GOLIM4: variants seen among roughly 807,000 people sequenced by gnomAD.
The protein encoded by GOLIM4 is 130 kDa golgi-localized phosphoprotein.
Under a neutral mutation model 107.4 loss-of-function variants are expected in GOLIM4, and 71 were observed. That is an observed-to-expected ratio of 0.66 (90% confidence interval 0.55 to 0.81). The LOEUF (loss-of-function observed/expected upper bound fraction) is 0.81, where lower values mean the gene tolerates loss of function less well. Among genes scored for constraint, GOLIM4 ranks in the 30% least tolerant of loss-of-function variants. GOLIM4 has a pLI of 0.00. For missense variants in GOLIM4, 830 were observed against 826.1 expected (o/e 1.00, Z -0.06); for synonymous variants, 327 against 294.8 (o/e 1.11, Z -1.12).
chr3:168,074,892 G>A (rs557158686), intron 1 of GOLIM4, among the ~76,000 whole-genome samples: 1 of 152,244 alleles, frequency 6.6e-6, no homozygotes, highest in East Asian at 1.9e-4. Context: ...AGTTACCACT[G>A]GAATAGTCCC....
chr3:168,050,270 AT>A (rs934893052), intron 1 of GOLIM4, among the ~76,000 whole-genome samples: 14 of 152,098 alleles, frequency 9.2e-5, no homozygotes, highest in Admixed American at 7.9e-4. Flanking sequence ...CTAAAAAGTA[AT>A]TTTTTTTCAA....
intron 1 of GOLIM4, among the ~76,000 whole-genome samples, chr3:168,050,860 T>TAATAATAATAATAATAATAATAAA (rs1381308882): frequency 7.8e-6 from 1 of 128,806 alleles, no homozygotes; most frequent in African/African-American, 2.8e-5. Flanking sequence ...ATAATAATAA[T>TAATAATAATAATAATAATAATAAA]AATAATAATA....
intron 1 of GOLIM4, among the ~76,000 whole-genome samples, chr3:168,088,532 C>T (rs1721741346): frequency 6.6e-6 from 1 of 152,174 alleles, no homozygotes; most frequent in African/African-American, 2.4e-5. Flanking sequence ...TATTTGCCTG[C>T]TCAAGGTCAC....
chr3:168,009,345 T>C lies in GOLIM4; in HGVS notation c.*924A>G, dbSNP rs963877166. ...TACTTATTATCAAAGTGATTGCATA[T>C]TGAGGCACAGAGCTTAAAGAGGAAA... On this transcript the variant is annotated 3_prime_UTR_variant, in exon 16 of 16. Coordinates refer to ENST00000470487, the MANE Select transcript of GOLIM4 (RefSeq NM_014498.5). The C allele has an allele frequency of 2.0e-5, 3 of 147,128 alleles. No individual in the cohort carries two copies. The highest frequency in any genetic ancestry group is 7.1e-5 in the Admixed American group (1 of 14,094). The allele number at this position is 147,128 out of a possible 1,614,324, so 9.1% of individuals were successfully genotyped here.
At chr3:168,028,953 T>C (rs113427901) in intron 11 of GOLIM4, among the ~76,000 whole-genome samples, 1 of 152,186 alleles carries the variant, frequency 6.6e-6, no homozygotes, top group African/African-American at 2.4e-5. Context: ...AATAATCCTA[T>C]AATAATTTGT....
chr3:168,042,362 C>A (rs1014382028), intron 5 of GOLIM4, among the ~76,000 whole-genome samples: 2 of 152,128 alleles, frequency 1.3e-5, no homozygotes, highest in African/African-American at 4.8e-5. Context: ...ACTGTAAGAA[C>A]CTCCGTCTCC....
Position 168,018,665 on chromosome 3 carries a change from C to A in GOLIM4, c.1860+5861G>T, listed in dbSNP as rs74829225. Among the ~76,000 whole-genome samples the A allele has an allele frequency of 1.5e-3, 221 of 152,232 alleles. No individual in the cohort carries two copies. In the East Asian group the frequency reaches 0.018, roughly 12 times the overall value. ...ATTCCACAGGACATTGGGATGAAAA[C>A]AATGAAGTACTTACTTCAGGCCTAT... is the stretch of plus-strand genomic sequence containing the variant. On this transcript the variant is annotated intron_variant, in intron 14 of 15. Coordinates refer to ENST00000470487, the MANE Select transcript of GOLIM4 (RefSeq NM_014498.5).
intron 1 of GOLIM4, among the ~76,000 whole-genome samples, chr3:168,066,930 T>C (rs1720579462): frequency 6.6e-6 from 1 of 152,146 alleles, no homozygotes; most frequent in African/African-American, 2.4e-5. Flanking sequence ...TCACTTAACA[T>C]GGTAGTTCTT....
At chr3:168,038,880 A>G (rs1718810139) in intron 7 of GOLIM4, among the ~76,000 whole-genome samples, 1 of 152,222 alleles carries the variant, frequency 6.6e-6, no homozygotes, top group Non-Finnish European at 1.5e-5. Context: ...GTAAGGGTGA[A>G]GCCCTACAGA....
At chr3:168,010,439 G>T in intron 15 of GOLIM4, 21 bp from the exon 16 acceptor site, 1 of 1,452,324 alleles carries the variant, frequency 6.9e-7, no homozygotes, top group Non-Finnish European at 9.6e-7. Flanking sequence ...AAAGAAAAAA[G>T]AAAAACTAAG....
At chr3:168,027,035 G>A (rs1282322292) in intron 12 of GOLIM4, among the ~76,000 whole-genome samples, 2 of 152,202 alleles carry the variant, frequency 1.3e-5, no homozygotes, top group African/African-American at 4.8e-5. Context: ...CATACACGCA[G>A]GAACAGACTC....
intron 14 of GOLIM4, among the ~76,000 whole-genome samples, chr3:168,017,910 C>A (rs1016709794): frequency 2.6e-5 from 4 of 151,942 alleles, no homozygotes; most frequent in Non-Finnish European, 5.9e-5. Flanking sequence ...GTAAATGATC[C>A]CAATATTTAT....
intron 1 of GOLIM4, among the ~76,000 whole-genome samples, chr3:168,094,228 T>C (rs1722044712): frequency 6.6e-6 from 1 of 152,214 alleles, no homozygotes; most frequent in Non-Finnish European, 1.5e-5. Context: ...TTAAAGTAAA[T>C]TATGTTTGTG....
intron 1 of GOLIM4, among the ~76,000 whole-genome samples, chr3:168,054,061 T>C (rs74535501): frequency 0.023 from 3,504 of 152,274 alleles, 131 homozygotes; most frequent in African/African-American, 0.08. Context: ...TCTGCATCCA[T>C]CTTCAAAATT....
At chr3:168,061,280 T>C (rs550958962) in intron 1 of GOLIM4, among the ~76,000 whole-genome samples, 1 of 152,282 alleles carries the variant, frequency 6.6e-6, no homozygotes, top group African/African-American at 2.4e-5. Flanking sequence ...AGTACTACCA[T>C]TCTCCCATCA....
chr3:168,094,890 C>T (rs1447567047), intron 1 of GOLIM4, among the ~76,000 whole-genome samples: 1 of 152,198 alleles, frequency 6.6e-6, no homozygotes, highest in Admixed American at 6.5e-5. Context: ...AGTTCTAAAC[C>T]TAACCGCTGG....
intron 1 of GOLIM4, among the ~76,000 whole-genome samples, chr3:168,059,529 TCAAA>T (rs893800264): frequency 1.3e-5 from 2 of 152,284 alleles, no homozygotes; most frequent in Non-Finnish European, 2.9e-5. Context: ...ATTCAACAAA[TCAAA>T]CAAATATTAA....
At chr3:168,083,321 G>A (rs999301074) in intron 1 of GOLIM4, among the ~76,000 whole-genome samples, 16 of 152,148 alleles carry the variant, frequency 1.1e-4, no homozygotes, top group African/African-American at 3.9e-4. Context: ...ACCAAGGACT[G>A]CAGTCTATAA....
At chr3:168,048,899 G>C (rs1002088756) in intron 1 of GOLIM4, among the ~76,000 whole-genome samples, 1 of 152,120 alleles carries the variant, frequency 6.6e-6, no homozygotes, top group Non-Finnish European at 1.5e-5. Flanking sequence ...TGAAAGAGGA[G>C]GTGTATCTCC....
Sources: gnomAD v4.1 joint callset for allele counts (sites outside exome capture counted in the v4.1 genomes callset) on GRCh38, gnomAD v4.1.1 for gene constraint, MANE v1.5 for transcripts, NCBI Gene and HGNC (gene_info 2026-07-23, HGNC 2026-07-21) for gene names.